Variants in CACNA1D observed in about 807,000 individuals in gnomAD.
CACNA1D encodes the protein voltage-dependent L-type calcium channel subunit alpha-1D.
Under a neutral mutation model 257.1 loss-of-function variants are expected in CACNA1D, and 55 were observed. The ratio of observed to expected loss-of-function variants is 0.21; its 90% CI spans 0.17 to 0.27. The LOEUF (loss-of-function observed/expected upper bound fraction) is 0.27, where lower values mean the gene tolerates loss of function less well. CACNA1D is among the 10% of genes least tolerant of loss of function. The pLI is 1.00. For missense variants in CACNA1D, 1,876 were observed against 2,784.0 expected, an observed-to-expected ratio of 0.67 and a Z score of 7.34; for synonymous variants, 980 against 1,014.9, an observed-to-expected ratio of 0.97 and a Z score of 0.65.
intron 45 of CACNA1D, among the ~76,000 whole-genome samples, chr3:53,806,667 T>G (rs1321024749): frequency 6.6e-6 from 1 of 152,236 alleles, no homozygotes; most frequent in East Asian, 1.9e-4. Flanking sequence ...GTCTGCCAAC[T>G]GCATATACTA....
At position 53,789,662 on chromosome 3, in the gene CACNA1D, C is replaced by A. The variant is rs577828884; in HGVS notation, c.4923+2710C>A. Among the ~76,000 whole-genome samples, 30 of 152,336 alleles carry A rather than the reference C, an allele frequency of 2.0e-4. No individual in the cohort carries two copies. The highest frequency in any genetic ancestry group is 7.2e-4 in the African/African-American group (30 of 41,568). ...AGGGTGCCCCATGGCTGGCAGACTG[C>A]GTGCTAATGGAAAGTGGAGCATGGC... On this transcript the variant is annotated intron_variant, in intron 40 of 47. Coordinates refer to ENST00000350061, the MANE Select transcript of CACNA1D (RefSeq NM_001128840.3). This position sits in a 1 kb window ranked among gnomAD's most constrained non-coding sequence, Gnocchi z 4.2.
At chr3:53,767,086 A>C (rs1322697533) in intron 30 of CACNA1D, among the ~76,000 whole-genome samples, 1 of 152,000 alleles carries the variant, frequency 6.6e-6, no homozygotes, top group Non-Finnish European at 1.5e-5. Flanking sequence ...GAAAGAACCC[A>C]CTGTTCAGCC....
intron 37 of CACNA1D, among the ~76,000 whole-genome samples, chr3:53,779,456 TAC>T (rs1035333355): frequency 2.6e-5 from 4 of 152,034 alleles, no homozygotes; most frequent in African/African-American, 7.2e-5. Context: ...TATATGTATA[TAC>T]ACACACACAG....
Position 53,801,065 on chromosome 3 carries a change from G to T in CACNA1D, c.5048G>T (p.Gly1683Val), listed in dbSNP as rs1440579655. ...TCTCCCATTATTTTGCAGAGAAATGGTGCCCTGCTTGGAAACCATGTCAAT... is the reference window on the plus strand; with the variant it reads ...TCTCCCATTATTTTGCAGAGAAATGTTGCCCTGCTTGGAAACCATGTCAAT... Reference protein sequence around the residue: ...EEEDDVFKRNGALLGNHVNHV... With the variant: ...EEEDDVFKRNVALLGNHVNHV... The change falls in exon 42 of 48, where the codon GGT (glycine) becomes GTT (valine). Residue 1683 changes from glycine (G) to valine (V), a missense_variant. This residue lies in a region of CACNA1D where 160 missense variants were observed against 236.6 expected (regional missense o/e 0.68). Coordinates refer to ENST00000350061, the MANE Select transcript of CACNA1D (RefSeq NM_001128840.3). 4 of 1,613,782 alleles carry T rather than the reference G, an allele frequency of 2.5e-6. No individual in the cohort carries two copies. The Admixed American group carries it at 5.0e-5, about 20-fold the overall frequency.
intron 3 of CACNA1D, among the ~76,000 whole-genome samples, chr3:53,548,954 T>C (rs1367805189): frequency 6.6e-6 from 1 of 152,152 alleles, no homozygotes; most frequent in Non-Finnish European, 1.5e-5. Flanking sequence ...CTATTGTACT[T>C]GTTAGATATC....
rs925155187 is a variant in CACNA1D at position 53,793,011 on chromosome 3, G to A, written c.4923+6059G>A. ...ACTGCTTCGTGCTGCACCACATGGT[G>A]ATGTGGGGGATGGGGTAGAAAGCCA... On this transcript the variant is annotated intron_variant, in intron 40 of 47. Transcript: ENST00000350061. This position sits in a 1 kb window ranked among gnomAD's most constrained non-coding sequence, Gnocchi z 4.1. 6.6e-6 allele frequency among the ~76,000 whole-genome samples: 1 copy of A among 152,238 alleles called. No individual in the cohort carries two copies. Among genetic ancestry groups the A allele is most frequent in the African/African-American group, 2.4e-5 (1 of 41,468 alleles).
chr3:53,547,039 G>A (rs1575822019), intron 3 of CACNA1D, among the ~76,000 whole-genome samples: 1 of 152,130 alleles, frequency 6.6e-6, no homozygotes, highest in Non-Finnish European at 1.5e-5. Flanking sequence ...CATCAACCAT[G>A]CCATGCAAAA....
chr3:53,631,791 G>A (rs1403489957), intron 3 of CACNA1D, among the ~76,000 whole-genome samples: 2 of 152,194 alleles, frequency 1.3e-5, no homozygotes, highest in Admixed American at 6.5e-5. Context: ...TCATCTCCTT[G>A]TGCATCTCCA....
chr3:53,776,103 G>A (rs1473854321), intron 35 of CACNA1D, 58 bp downstream of exon 35: 9 of 1,500,586 alleles, frequency 6.0e-6, no homozygotes, highest in East Asian at 4.5e-5. Flanking sequence ...AGCAGTCAGC[G>A]TTCACACAAA....
chr3:53,741,514 A>G (rs1038830134), intron 21 of CACNA1D, among the ~76,000 whole-genome samples: 4 of 152,192 alleles, frequency 2.6e-5, no homozygotes, highest in African/African-American at 9.7e-5. Flanking sequence ...CATAAAGCCA[A>G]CCAACAACTG....
chr3:53,632,949 A>G (rs1293349695), intron 3 of CACNA1D, among the ~76,000 whole-genome samples: 1 of 152,254 alleles, frequency 6.6e-6, no homozygotes, highest in Non-Finnish European at 1.5e-5. Context: ...AAGAATTACC[A>G]AAATGTGACA....
At chr3:53,804,069 G>A (rs1379325805) in intron 44 of CACNA1D, among the ~76,000 whole-genome samples, 2 of 152,206 alleles carry the variant, frequency 1.3e-5, no homozygotes, top group Non-Finnish European at 2.9e-5. Flanking sequence ...GGTCCATCTT[G>A]CTTCTGTCCT....
At position 53,724,716 on chromosome 3, in the gene CACNA1D, T is replaced by C. The variant is rs137902553; in HGVS notation, c.2100+717T>C. Among the ~76,000 whole-genome samples, 4 of 152,294 alleles carry C rather than the reference T, an allele frequency of 2.6e-5. No individual in the cohort carries two copies. The East Asian group carries it at 7.7e-4, about 29-fold the overall frequency. Reference sequence around the variant, plus strand: ...CCACCTGTCCTCATTGCTTTTCCTGTGTGATGTGAGCTGCAGAGCCCTGCC... The same window carrying C: ...CCACCTGTCCTCATTGCTTTTCCTGCGTGATGTGAGCTGCAGAGCCCTGCC... On this transcript the variant is annotated intron_variant, in intron 14 of 47. Transcript: ENST00000350061.
rs1306456002 is a variant in CACNA1D at position 53,810,260 on chromosome 3, A to G, written c.6154A>G (p.Ser2052Gly). Residue 2052 changes from serine to glycine, a missense_variant, in exon 47 of 48, where the codon AGC (serine) becomes GGC (glycine). By Grantham distance (56) the Ser-to-Gly change is moderately conservative. Around this residue, in one of 10 missense-constraint regions of CACNA1D, gnomAD observed 491 missense variants for 554.3 expected, o/e 0.89. Coordinates refer to ENST00000350061, the MANE Select transcript of CACNA1D (RefSeq NM_001128840.3). ...CCCCAGCAGCTTCCGGAACAAAAAC[A>G]GCGACAAGCAGAGGAGTGCGGACAG... ...TVPSSFRNKN[S>G]DKQRSADSLV... 8 of 1,613,858 alleles carry G rather than the reference A, an allele frequency of 5.0e-6. No homozygotes were observed. Among genetic ancestry groups the G allele is most frequent in the Non-Finnish European group, 6.8e-6 (8 of 1,180,026 alleles).
chr3:53,753,346 A>T (rs2095241581), intron 28 of CACNA1D, among the ~76,000 whole-genome samples: 1 of 152,172 alleles, frequency 6.6e-6, no homozygotes, highest in Non-Finnish European at 1.5e-5. Context: ...GAGGAAATGG[A>T]TATGTTTTCC....
chr3:53,542,601 T>TAAAC (rs1388221077), intron 3 of CACNA1D, among the ~76,000 whole-genome samples: 16 of 150,348 alleles, frequency 1.1e-4, no homozygotes, highest in South Asian at 2.1e-4. Flanking sequence ...AATAAATAAA[T>TAAAC]AAACAAATAA....
intron 8 of CACNA1D, among the ~76,000 whole-genome samples, chr3:53,697,086 A>T (rs1192822396): frequency 6.6e-6 from 1 of 152,218 alleles, no homozygotes; most frequent in Non-Finnish European, 1.5e-5. Flanking sequence ...GAGATTCCTT[A>T]CTGAGTAATT....
chr3:53,671,363 T>C (rs935630744), intron 7 of CACNA1D, among the ~76,000 whole-genome samples: 15 of 152,202 alleles, frequency 9.9e-5, no homozygotes, highest in Admixed American at 7.2e-4. Flanking sequence ...CCCTGCTGCA[T>C]GCACCTCTGT....
chr3:53,776,546 A>C, intron 35 of CACNA1D, 57 bp from the exon 36 acceptor site: 1 of 1,608,628 alleles, frequency 6.2e-7, no homozygotes, highest in Non-Finnish European at 8.5e-7. Context: ...GCCTGTGCTC[A>C]GTTCTAACGC....
Sources: allele counts gnomAD v4.1 joint callset (sites outside exome capture counted in the v4.1 genomes callset), GRCh38; gene constraint gnomAD v4.1.1; regional missense constraint gnomAD v4.1.1; non-coding constraint Gnocchi (gnomAD v3.1); transcripts MANE v1.5; gene names NCBI Gene and HGNC (gene_info 2026-07-23, HGNC 2026-07-21).